Variants in PTGER4 observed in about 807,000 individuals in gnomAD.
The protein encoded by PTGER4 is prostaglandin E receptor 4.
PTGER4 carries 11 observed loss-of-function variants against 33.2 expected under a neutral mutation model. The observed-to-expected ratio is 0.33, with a 90% CI of 0.21 to 0.55. The LOEUF (loss-of-function observed/expected upper bound fraction) is 0.55, where lower values mean the gene tolerates loss of function less well. Among genes scored for constraint, PTGER4 ranks in the 20% least tolerant of loss-of-function variants. PTGER4 has a pLI of 0.92. For missense variants in PTGER4, 481 were observed against 650.2 expected (o/e 0.74, Z 2.83); for synonymous variants, 275 against 281.5 (o/e 0.98, Z 0.23).
the PTGER4 span, among the ~76,000 whole-genome samples, chr5:40,722,906 C>T: frequency 7.9e-5 from 12 of 152,008 alleles, no homozygotes; most frequent in Admixed American, 3.3e-4. Context: ...TGAGGAGCCC[C>T]TCTGCCCAGC....
At chr5:40,741,370 T>C in the PTGER4 span, among the ~76,000 whole-genome samples, 22 of 152,192 alleles carry the variant, frequency 1.4e-4, no homozygotes, top group African/African-American at 4.8e-4. Flanking sequence ...CCATTCTGAA[T>C]GGCTGAAGCT....
At chr5:40,722,522 C>A in the PTGER4 span, among the ~76,000 whole-genome samples, 5 of 151,730 alleles carry the variant, frequency 3.3e-5, no homozygotes, top group Non-Finnish European at 7.4e-5. Flanking sequence ...CCCACCTCCC[C>A]GTCTGGAATG....
intron 2 of PTGER4, among the ~76,000 whole-genome samples, chr5:40,688,707 C>A (rs1741391707): frequency 6.6e-6 from 1 of 152,116 alleles, no homozygotes. Context: ...TAGCTGAAGA[C>A]CTCAAAGCTT....
the PTGER4 span, among the ~76,000 whole-genome samples, chr5:40,702,061 C>T: frequency 6.6e-6 from 1 of 152,290 alleles, no homozygotes; most frequent in East Asian, 1.9e-4. Flanking sequence ...AGACCTCTAG[C>T]AGCTGGTACA....
the PTGER4 span, chr5:40,715,997 C>T: frequency 1.4e-4 from 85 of 606,152 alleles, no homozygotes; most frequent in African/African-American, 1.4e-3. Context: ...ATACAATAAT[C>T]CTGCCATTTT....
chr5:40,743,349 T>C, the PTGER4 span, among the ~76,000 whole-genome samples: 1 of 152,232 alleles, frequency 6.6e-6, no homozygotes, highest in African/African-American at 2.4e-5. Flanking sequence ...AAGGCCCATC[T>C]GGCTAAAATG....
chr5:40,743,375 C>T, the PTGER4 span, among the ~76,000 whole-genome samples: 20 of 152,270 alleles, frequency 1.3e-4, no homozygotes, highest in African/African-American at 4.6e-4. Context: ...AAAATAAGCA[C>T]AGTTTAAGAT....
At chr5:40,703,194 A>T in the PTGER4 span, among the ~76,000 whole-genome samples, 1 of 148,348 alleles carries the variant, frequency 6.7e-6, no homozygotes, top group Non-Finnish European at 1.5e-5. Context: ...CATTCAAAAG[A>T]TCAACAAATC....
the PTGER4 span, among the ~76,000 whole-genome samples, chr5:40,745,210 T>G: frequency 6.6e-6 from 1 of 152,150 alleles, no homozygotes; most frequent in Non-Finnish European, 1.5e-5. Context: ...ACATGTACTG[T>G]AAAAGACATT....
chr5:40,738,531 A>C, the PTGER4 span, among the ~76,000 whole-genome samples: 2 of 135,068 alleles, frequency 1.5e-5, no homozygotes, highest in Non-Finnish European at 3.2e-5. Context: ...ATAAAATACA[A>C]TAAAATACAA....
the PTGER4 span, among the ~76,000 whole-genome samples, chr5:40,707,474 G>C: frequency 6.6e-6 from 1 of 152,302 alleles, no homozygotes; most frequent in South Asian, 2.1e-4. Context: ...TCAACAAAAA[G>C]AGCTAACTAT....
the PTGER4 span, among the ~76,000 whole-genome samples, chr5:40,731,586 T>C: frequency 6.6e-6 from 1 of 152,184 alleles, no homozygotes; most frequent in Non-Finnish European, 1.5e-5. Context: ...GGAAGCCCCT[T>C]ATAAATCCAT....
Position 40,693,516 on chromosome 5 carries a change from C to T in PTGER4, c.*1138C>T, listed in dbSNP as rs1252624177. ...ATGTCAGAAGTGCAGAATTGGGGCA[C>T]TTAATGGTCACCTTGTAACAGTTTT... On this transcript the variant is annotated 3_prime_UTR_variant, in exon 3 of 3. Coordinates refer to ENST00000302472, the MANE Select transcript of PTGER4 (RefSeq NM_000958.3). The T allele has an allele frequency of 2.0e-6, 2 of 985,778 alleles. No individual in the cohort carries two copies. The highest frequency in any genetic ancestry group is 1.7e-5 in the African/African-American group (1 of 57,222). The allele number at this position is 985,778 out of a possible 1,614,324, so 61.1% of individuals were successfully genotyped here. A position where few individuals can be genotyped will look rare whatever the true frequency, so the allele number is the denominator to read the frequency against.
At chr5:40,746,648 T>C in the PTGER4 span, 2 of 624,416 alleles carry the variant, frequency 3.2e-6, no homozygotes, top group South Asian at 2.9e-5. Flanking sequence ...TTCAGGTGAC[T>C]TTGAAACACC....
chr5:40,697,096 GAAAA>G (rs1432432922), downstream of PTGER4, among the ~76,000 whole-genome samples: 4 of 42,410 alleles, frequency 9.4e-5, no homozygotes, highest in African/African-American at 3.9e-4. Flanking sequence ...GAAAGAAAGA[GAAAA>G]GAAAGAAAGG....
At chr5:40,730,116 T>C in the PTGER4 span, 4 of 613,458 alleles carry the variant, frequency 6.5e-6, no homozygotes, top group Admixed American at 2.9e-5. Flanking sequence ...GACAGAACCA[T>C]AAATAATGGT....
At chr5:40,720,059 A>C in the PTGER4 span, among the ~76,000 whole-genome samples, 1 of 152,132 alleles carries the variant, frequency 6.6e-6, no homozygotes, top group East Asian at 1.9e-4. Flanking sequence ...ATTTTTATCT[A>C]CTTTTTTCTT....
In PTGER4 at chr5:40,692,444, C is replaced by G; in HGVS notation, c.*66C>G. On this transcript the variant is annotated 3_prime_UTR_variant, in exon 3 of 3. Coordinates refer to ENST00000302472, the MANE Select transcript of PTGER4 (RefSeq NM_000958.3). ...TAAAATCCTGTGCAATAGACACATACATGTCACATTTAGCTGTGCTCAGAA... is the reference window on the plus strand; with the variant it reads ...TAAAATCCTGTGCAATAGACACATAGATGTCACATTTAGCTGTGCTCAGAA... The G allele has an allele frequency of 6.6e-7, 1 of 1,509,096 alleles. No individual in the cohort carries two copies. The highest frequency in any genetic ancestry group is 8.8e-7 in the Non-Finnish European group (1 of 1,134,034). 93.5% of individuals were successfully genotyped at this position (1,509,096 alleles called of 1,614,324 possible). A position where few individuals can be genotyped will look rare whatever the true frequency, so the allele number is the denominator to read the frequency against.
the PTGER4 span, among the ~76,000 whole-genome samples, chr5:40,733,081 T>C: frequency 1.3e-5 from 2 of 152,260 alleles, no homozygotes; most frequent in South Asian, 2.1e-4. Context: ...GTGGTAAAAA[T>C]GTAAATTCTT....
Sources: allele counts gnomAD v4.1 joint callset (sites outside exome capture counted in the v4.1 genomes callset), GRCh38; gene constraint gnomAD v4.1.1; transcripts MANE v1.5; gene names NCBI Gene and HGNC (gene_info 2026-07-23, HGNC 2026-07-21).